The following DMD variants were observed in gnomAD, a reference collection of about 807,000 sequenced individuals.
DMD encodes dystrophin.
Under a neutral mutation model 330.1 loss-of-function variants are expected in DMD, and 63 were observed. That is an observed-to-expected ratio of 0.19 (90% CI 0.16 to 0.24). The LOEUF (loss-of-function observed/expected upper bound fraction) is 0.24, where lower values mean the gene tolerates loss of function less well. Among genes scored for constraint, DMD ranks in the 10% least tolerant of loss-of-function variants. The pLI is 1.00. For synonymous variants in DMD, 1,223 were observed against 959.8 expected (o/e 1.27, Z -5.07); for missense variants, 3,344 against 2,684.1 (o/e 1.25, Z -5.43).
intron 46 of DMD, 149 bp downstream of exon 46, chrX:31,931,931 G>A: frequency 1.6e-6 from 1 of 623,700 alleles, no homozygotes; most frequent in East Asian, 3.6e-5. Context: ...GAACTGCAGG[G>A]TTAAGAAGAA....
chrX:32,979,002 AT>A (rs1393975050), intron 2 of DMD, among the ~76,000 whole-genome samples: 1 of 112,147 alleles, frequency 8.9e-6, no homozygotes, highest in East Asian at 2.8e-4. Context: ...CTAGACAGAA[AT>A]CTTAGATTAG....
chrX:32,705,589 G>A (rs926908385), intron 7 of DMD, among the ~76,000 whole-genome samples: 2 of 111,611 alleles, frequency 1.8e-5, no homozygotes, highest in Non-Finnish European at 3.8e-5. Flanking sequence ...CGAGGCAGGT[G>A]CATCGCCTGA....
chrX:31,828,322 T>C (rs1203384424), intron 49 of DMD, among the ~76,000 whole-genome samples: 3 of 111,472 alleles, frequency 2.7e-5, no homozygotes, highest in Non-Finnish European at 3.8e-5. Flanking sequence ...AATGGATACA[T>C]TCCTGGAAAC....
chrX:32,976,177 C>T (rs959732495), intron 2 of DMD, among the ~76,000 whole-genome samples: 12 of 106,896 alleles, frequency 1.1e-4, no homozygotes, highest in African/African-American at 3.8e-4. Flanking sequence ...ATTGAGATCG[C>T]GCCTCTGCAC....
At chrX:32,734,858 A>G (rs2068221181) in intron 7 of DMD, among the ~76,000 whole-genome samples, 1 of 103,317 alleles carries the variant, frequency 9.7e-6, no homozygotes, top group South Asian at 4.5e-4. Flanking sequence ...CTGGCACAAG[A>G]CAGGGATGCC....
chrX:32,099,026 G>T (rs1267086854), intron 44 of DMD, among the ~76,000 whole-genome samples: 1 of 111,681 alleles, frequency 9.0e-6, no homozygotes, highest in African/African-American at 3.3e-5. Context: ...AATTTGTGAG[G>T]CAAATCTATG....
intron 7 of DMD, among the ~76,000 whole-genome samples, chrX:32,712,650 C>A (rs1345680472): frequency 2.7e-5 from 3 of 110,762 alleles, no homozygotes; most frequent in Non-Finnish European, 5.7e-5. Flanking sequence ...AATATGTAGC[C>A]ACTTTTAAAA....
At chrX:31,393,950 G>A (rs1485533542) in intron 60 of DMD, among the ~76,000 whole-genome samples, 6 of 112,287 alleles carry the variant, frequency 5.3e-5, no homozygotes, top group Non-Finnish European at 1.1e-4. Flanking sequence ...TTTACAACAA[G>A]GCTTACAAGA....
chrX:31,835,587 C>T (rs1171575383), intron 49 of DMD, among the ~76,000 whole-genome samples: 1 of 111,595 alleles, frequency 9.0e-6, no homozygotes, highest in African/African-American at 3.3e-5. Context: ...TTGATATCTA[C>T]AGAGAAACCT....
At chrX:32,404,083 T>C (rs1334686840) in intron 30 of DMD, among the ~76,000 whole-genome samples, 1 of 112,401 alleles carries the variant, frequency 8.9e-6, no homozygotes, top group African/African-American at 3.2e-5. Flanking sequence ...TTTTGATAGC[T>C]TGGAATGTTA....
At chrX:32,029,337 G>T (rs1603621892) in intron 44 of DMD, among the ~76,000 whole-genome samples, 1 of 111,462 alleles carries the variant, frequency 9.0e-6, no homozygotes, top group East Asian at 2.8e-4. Context: ...AATTTAATTA[G>T]GTAGAGGTCA....
chrX:31,768,462 T>C (rs1454290349), intron 51 of DMD, among the ~76,000 whole-genome samples: 1 of 109,612 alleles, frequency 9.1e-6, no homozygotes, highest in Non-Finnish European at 1.9e-5. Context: ...TTTTTCCTGC[T>C]TTCCTTCCTC....
intron 11 of DMD, among the ~76,000 whole-genome samples, chrX:32,633,013 T>C (rs1219147307): frequency 1.8e-5 from 2 of 112,479 alleles, no homozygotes; most frequent in Non-Finnish European, 3.8e-5. Flanking sequence ...CTACCACATA[T>C]CCATGTTGCA....
intron 13 of DMD, 121 bp downstream of exon 13, chrX:32,595,636 T>G: frequency 1.5e-6 from 1 of 682,015 alleles, no homozygotes; most frequent in Non-Finnish European, 2.3e-6. Flanking sequence ...GTGTGTATAT[T>G]GTACACATAT....
In DMD at chrX:32,787,732, A is replaced by T. The variant is rs533779847; in HGVS notation, c.649+21761T>A. ...ACCATCATCTAATTGTACTGTACTC[A>T]TCAATTTAAGGACCACGGTTGACCA... On this transcript the variant is annotated intron_variant, in intron 7 of 78. Coordinates refer to ENST00000357033, the MANE Select transcript of DMD (RefSeq NM_004006.3). 1.0e-4 allele frequency among the ~76,000 whole-genome samples: 10 copies of T among 96,907 alleles called. No individual in the cohort carries two copies. The South Asian group carries it at 5.4e-3, about 53-fold the overall frequency. The allele number at this position is 96,907 out of a possible 115,157, so 84.2% of individuals were successfully genotyped here. A position where few individuals can be genotyped will look rare whatever the true frequency, so the allele number is the denominator to read the frequency against.
chrX:32,796,135 T>C (rs146789801), intron 7 of DMD, among the ~76,000 whole-genome samples: 8,285 of 111,353 alleles, frequency 0.074, 706 homozygotes, highest in African/African-American at 0.25. Context: ...AAAGCAATCA[T>C]ATACTTTTCT....
intron 7 of DMD, among the ~76,000 whole-genome samples, chrX:32,746,297 A>T (rs1016095136): frequency 8.9e-6 from 1 of 112,247 alleles, no homozygotes; most frequent in Admixed American, 9.4e-5. Flanking sequence ...CAAGGGATCC[A>T]TGAACACTGG....
intron 62 of DMD, among the ~76,000 whole-genome samples, chrX:31,320,927 T>C (rs1484145903): frequency 1.8e-5 from 2 of 111,350 alleles, no homozygotes; most frequent in Admixed American, 1.9e-4. Context: ...ACTCACCTTT[T>C]GGCAAATTTT....
intron 2 of DMD, among the ~76,000 whole-genome samples, chrX:33,017,401 A>G (rs2147726485): frequency 9.0e-6 from 1 of 111,648 alleles, no homozygotes; most frequent in East Asian, 2.8e-4. Flanking sequence ...ATACGACTAT[A>G]AAAATGAATA....
Sources: gnomAD v4.1 joint callset for allele counts (sites outside exome capture counted in the v4.1 genomes callset) on GRCh38, gnomAD v4.1.1 for gene constraint, MANE v1.5 for transcripts, NCBI Gene and HGNC (gene_info 2026-07-23, HGNC 2026-07-21) for gene names.